Variants in PRIM2 observed in about 807,000 individuals in gnomAD.
The protein encoded by PRIM2 is DNA primase subunit 2.
PRIM2 carries 39 observed loss-of-function variants against 67.3 expected under a neutral mutation model. The ratio of observed to expected loss-of-function variants is 0.58; its 90% CI spans 0.45 to 0.76. The LOEUF (loss-of-function observed/expected upper bound fraction) is 0.76, where lower values mean the gene tolerates loss of function less well. Among genes scored for constraint, PRIM2 ranks in the 30% least tolerant of loss-of-function variants. The pLI is 0.00. For synonymous variants in PRIM2, 143 were observed against 198.7 expected, an observed-to-expected ratio of 0.72 and a Z score of 2.36; for missense variants, 398 against 598.7, an observed-to-expected ratio of 0.66 and a Z score of 3.50.
At chr6:57,257,916 CT>C in the PRIM2 span, among the ~76,000 whole-genome samples, 1 of 152,140 alleles carries the variant, frequency 6.6e-6, no homozygotes, top group African/African-American at 2.4e-5. Flanking sequence ...TTTTGTCCTC[CT>C]CTTTTGTTAA....
intron 7 of PRIM2, among the ~76,000 whole-genome samples, chr6:57,450,083 A>G (rs1772493037): frequency 6.6e-6 from 1 of 152,216 alleles, no homozygotes; most frequent in African/African-American, 2.4e-5. Flanking sequence ...TAAAAAAACC[A>G]ACTAAATATA....
intron 7 of PRIM2, among the ~76,000 whole-genome samples, chr6:57,424,298 GATAGTAC>G (rs1337282005): frequency 6.6e-6 from 1 of 152,148 alleles, no homozygotes; most frequent in Non-Finnish European, 1.5e-5. Flanking sequence ...TTAACAAAAA[GATAGTAC>G]ATTTCTAGCC....
At chr6:57,266,179 G>C in the PRIM2 span, among the ~76,000 whole-genome samples, 2 of 152,136 alleles carry the variant, frequency 1.3e-5, no homozygotes, top group Non-Finnish European at 2.9e-5. Flanking sequence ...TGCAATGTGA[G>C]TCAACATAAA....
At chr6:57,526,548 A>G (rs1312323409) in intron 8 of PRIM2, among the ~76,000 whole-genome samples, 6 of 152,228 alleles carry the variant, frequency 3.9e-5, no homozygotes, top group African/African-American at 4.8e-5. Flanking sequence ...CGTTAATGAC[A>G]TAATTTGAAT....
At chr6:57,326,720 C>CAA (rs34993120) in intron 5 of PRIM2, among the ~76,000 whole-genome samples, 7 of 145,464 alleles carry the variant, frequency 4.8e-5, no homozygotes, top group Non-Finnish European at 9.0e-5. Context: ...GACTCCGTCT[C>CAA]AAAAAAAAAA....
At chr6:57,407,168 G>T (rs1443443836) in intron 7 of PRIM2, among the ~76,000 whole-genome samples, 3 of 152,146 alleles carry the variant, frequency 2.0e-5, no homozygotes, top group African/African-American at 7.2e-5. Context: ...GAAAGGAAAT[G>T]AAATAATGTT....
chr6:57,288,710 CCTGA>C, the PRIM2 span, among the ~76,000 whole-genome samples: 2 of 152,152 alleles, frequency 1.3e-5, no homozygotes, highest in Admixed American at 6.5e-5. Flanking sequence ...AGCTGAGGGG[CCTGA>C]CTGTTAGAAT....
chr6:57,508,634 T>C, intron 8 of PRIM2, among the ~76,000 whole-genome samples: 1 of 152,224 alleles, frequency 6.6e-6, no homozygotes, highest in Non-Finnish European at 1.5e-5. Flanking sequence ...CCTATACACT[T>C]ATATTTGTAT....
intron 7 of PRIM2, among the ~76,000 whole-genome samples, chr6:57,394,015 G>T (rs552200649): frequency 1.3e-5 from 2 of 152,144 alleles, no homozygotes; most frequent in South Asian, 4.2e-4. Context: ...TGTTCCATTG[G>T]TCTGTGTGCC....
At chr6:57,259,515 T>G in the PRIM2 span, among the ~76,000 whole-genome samples, 9 of 152,228 alleles carry the variant, frequency 5.9e-5, no homozygotes, top group African/African-American at 2.2e-4. Flanking sequence ...TACCTCATTT[T>G]TTTTTAAGAG....
chr6:57,459,728 T>G (rs760785661), intron 7 of PRIM2, among the ~76,000 whole-genome samples: 1 of 152,200 alleles, frequency 6.6e-6, no homozygotes, highest in Non-Finnish European at 1.5e-5. Context: ...TTCAAAAACA[T>G]GTTTTTGCTT....
intron 10 of PRIM2, among the ~76,000 whole-genome samples, chr6:57,573,077 G>A (rs1310704029): frequency 6.6e-6 from 1 of 152,148 alleles, no homozygotes; most frequent in Non-Finnish European, 1.5e-5. Context: ...TTCTGCCTTG[G>A]CCTCTCAAAT....
intron 5 of PRIM2, among the ~76,000 whole-genome samples, chr6:57,371,707 A>G (rs968056825): frequency 6.6e-6 from 1 of 152,266 alleles, no homozygotes; most frequent in Non-Finnish European, 1.5e-5. Flanking sequence ...ATGCTTACTT[A>G]AAAAGCAATG....
chr6:57,344,813 A>G (rs1394219551), intron 5 of PRIM2, among the ~76,000 whole-genome samples: 1 of 152,104 alleles, frequency 6.6e-6, no homozygotes, highest in Non-Finnish European at 1.5e-5. Flanking sequence ...AGTTCACAGA[A>G]TTTGGGTTTT....
chr6:57,331,177 G>C (rs1435220296), intron 5 of PRIM2, among the ~76,000 whole-genome samples: 4 of 146,908 alleles, frequency 2.7e-5, no homozygotes, highest in African/African-American at 1.0e-4. Context: ...AAAAGAGTGA[G>C]ACTTTGTCTC....
intron 3 of PRIM2, among the ~76,000 whole-genome samples, chr6:57,323,060 A>G (rs80070938): frequency 0.06 from 9,146 of 151,426 alleles, 374 homozygotes; most frequent in Admixed American, 0.1. Flanking sequence ...AAATAAGATT[A>G]TAGTAGTGCC....
the PRIM2 span, among the ~76,000 whole-genome samples, chr6:57,286,738 A>T: frequency 6.6e-6 from 1 of 152,222 alleles, no homozygotes; most frequent in African/African-American, 2.4e-5. Flanking sequence ...CAATGGCAAC[A>T]AAAGCCGAAA....
At chr6:57,552,876 C>T (rs1483076510) in intron 10 of PRIM2, among the ~76,000 whole-genome samples, 48,364 of 151,598 alleles carry the variant, frequency 0.32, 7,664 homozygotes, top group East Asian at 0.44. Context: ...ACGAAGAAAC[C>T]CCTTGTTTTC....
chr6:57,526,197 A>G (rs1554349377), intron 8 of PRIM2, among the ~76,000 whole-genome samples: 1 of 152,180 alleles, frequency 6.6e-6, no homozygotes, highest in Non-Finnish European at 1.5e-5. Flanking sequence ...CAGTGTCTTC[A>G]GATAGATTTC....
Sources: allele counts gnomAD v4.1 joint callset (sites outside exome capture counted in the v4.1 genomes callset), GRCh38; gene constraint gnomAD v4.1.1; transcripts MANE v1.5; gene names NCBI Gene and HGNC (gene_info 2026-07-23, HGNC 2026-07-21).